The following FGGY variants were observed in gnomAD, a reference collection of about 807,000 sequenced individuals.
The protein encoded by FGGY is FGGY carbohydrate kinase domain-containing protein.
A neutral mutation model predicts 71.3 loss-of-function variants in FGGY; 72 were observed. The observed-to-expected ratio is 1.01, with a 90% CI of 0.84 to 1.23. The LOEUF (loss-of-function observed/expected upper bound fraction) is 1.23, where lower values mean the gene tolerates loss of function less well. FGGY is among the 50% of genes most tolerant of loss of function. FGGY has a pLI of 0.00. For missense variants in FGGY, 668 were observed against 682.3 expected (o/e 0.98, Z 0.23); for synonymous variants, 251 against 250.3 (o/e 1.00, Z -0.02).
intron 11 of FGGY, among the ~76,000 whole-genome samples, chr1:59,656,160 A>G (rs1014088696): frequency 4.0e-5 from 6 of 151,822 alleles, no homozygotes; most frequent in Non-Finnish European, 7.4e-5. Flanking sequence ...TACCCTTGCA[A>G]CTCTCACATC....
At chr1:59,582,361 T>C (rs1259459499) in intron 8 of FGGY, among the ~76,000 whole-genome samples, 3 of 150,220 alleles carry the variant, frequency 2.0e-5, no homozygotes, top group Admixed American at 2.0e-4. Flanking sequence ...GGAATCATGT[T>C]ATTCTTCTCC....
chr1:59,744,959 G>A (rs1231204918), intron 14 of FGGY, among the ~76,000 whole-genome samples: 4 of 152,144 alleles, frequency 2.6e-5, no homozygotes, highest in Non-Finnish European at 5.9e-5. Context: ...ACATAATAAA[G>A]AGAGTTTAAA....
At chr1:59,585,295 T>G (rs914525852) in intron 8 of FGGY, among the ~76,000 whole-genome samples, 11 of 152,026 alleles carry the variant, frequency 7.2e-5, no homozygotes, top group Non-Finnish European at 1.0e-4. Context: ...GGAACCAAAA[T>G]AGCATGGTAC....
chr1:59,325,510 G>T (rs2047271143), intron 2 of FGGY, among the ~76,000 whole-genome samples: 2 of 152,148 alleles, frequency 1.3e-5, no homozygotes, highest in Admixed American at 1.3e-4. Context: ...ACTGTCCAGA[G>T]CCCACCATCT....
intron 5 of FGGY, among the ~76,000 whole-genome samples, chr1:59,424,950 G>A (rs1404012296): frequency 6.6e-6 from 1 of 152,148 alleles, no homozygotes; most frequent in Non-Finnish European, 1.5e-5. Context: ...AAAAGCTCTT[G>A]CTCTATTGGA....
At chr1:59,313,691 G>A (rs1031590973) in intron 1 of FGGY, among the ~76,000 whole-genome samples, 7 of 152,170 alleles carry the variant, frequency 4.6e-5, no homozygotes, top group African/African-American at 1.4e-4. Flanking sequence ...TATTCTAAGT[G>A]AAGTAACTCA....
At chr1:59,582,913 T>A (rs1009980846) in intron 8 of FGGY, among the ~76,000 whole-genome samples, 1 of 150,118 alleles carries the variant, frequency 6.7e-6, no homozygotes, top group Non-Finnish European at 1.5e-5. Context: ...TGTTGAATAC[T>A]CATCGTTTTT....
intron 7 of FGGY, among the ~76,000 whole-genome samples, chr1:59,526,070 G>A (rs1249428089): frequency 3.9e-5 from 6 of 152,176 alleles, no homozygotes; most frequent in Admixed American, 2.6e-4. Flanking sequence ...ACATTTATGT[G>A]TGTGTCTGAT....
intron 8 of FGGY, among the ~76,000 whole-genome samples, chr1:59,564,944 G>A (rs1319280436): frequency 2.0e-5 from 3 of 152,172 alleles, no homozygotes; most frequent in African/African-American, 2.4e-5. Flanking sequence ...TTGCCTGGAA[G>A]AATGGTGTAA....
chr1:59,369,781 G>A (rs910153165), intron 4 of FGGY, among the ~76,000 whole-genome samples: 3 of 152,194 alleles, frequency 2.0e-5, no homozygotes, highest in Non-Finnish European at 2.9e-5. Context: ...TGCAGACACC[G>A]CTGCTGATAC....
At chr1:59,417,917 A>G (rs2064749265) in intron 5 of FGGY, among the ~76,000 whole-genome samples, 1 of 152,186 alleles carries the variant, frequency 6.6e-6, no homozygotes, top group African/African-American at 2.4e-5. Context: ...CTGTGTGTGG[A>G]TAGTGGCTAT....
chr1:59,346,947 C>CTTTTTTTT (rs71580898), intron 4 of FGGY, among the ~76,000 whole-genome samples: 4 of 112,192 alleles, frequency 3.6e-5, no homozygotes, highest in Non-Finnish European at 3.8e-5. Flanking sequence ...AAAATCAATT[C>CTTTTTTTT]TTTTTTTTTT....
intron 4 of FGGY, among the ~76,000 whole-genome samples, chr1:59,371,976 C>A (rs1449511935): frequency 6.6e-6 from 1 of 152,040 alleles, no homozygotes; most frequent in African/African-American, 2.4e-5. Flanking sequence ...AAAATTGACA[C>A]CCTAACATCA....
In FGGY at chr1:59,683,669, C is replaced by G. The variant is rs116301979; in HGVS notation, c.1512+9536C>G. Among the ~76,000 whole-genome samples, 484 of 152,220 alleles carry G rather than the reference C, an allele frequency of 3.2e-3. 1 individual carries two copies. The highest frequency in any genetic ancestry group is 0.011 in the African/African-American group (450 of 41,524). ...GGAGAAAGAATTCATGAGAGGGATG[C>G]ATTTCCTTAGAAATGTTATTAATTG... On this transcript the variant is annotated intron_variant, in intron 14 of 15. Transcript: ENST00000303721.
intron 6 of FGGY, among the ~76,000 whole-genome samples, chr1:59,496,569 G>A (rs1378481514): frequency 6.6e-6 from 1 of 152,074 alleles, no homozygotes; most frequent in Non-Finnish European, 1.5e-5. Context: ...AAAACTACCT[G>A]TAGAGTGCTA....
At position 59,607,804 on chromosome 1, in the gene FGGY, TCAGCAAAGAC is replaced by T; in HGVS notation, c.907_916del (p.Ser303ArgfsTer21). The T allele has an allele frequency of 6.2e-7, 1 of 1,613,188 alleles. No individual in the cohort carries two copies. The highest frequency in any genetic ancestry group is 8.5e-7 in the Non-Finnish European group (1 of 1,179,282). On this transcript the variant is annotated frameshift_variant and splice_region_variant, in exon 9 of 16. Transcript: ENST00000303721. LOFTEE classifies it high-confidence loss of function. ...CATATTTTCCATCTTTCTTTCCAGATCAGCAAAGACCCGATTTTTGTACCAGGCGTCTGGG... is the reference window on the plus strand; with the variant it reads ...CATATTTTCCATCTTTCTTTCCAGATCCGATTTTTGTACCAGGCGTCTGGG...
chr1:59,629,128 A>G (rs776203929), intron 10 of FGGY, among the ~76,000 whole-genome samples: 16 of 152,184 alleles, frequency 1.1e-4, no homozygotes, highest in Admixed American at 2.6e-4. Flanking sequence ...TGACGAGTTA[A>G]CGGGTGCAGC....
rs2049178969 is a variant in FGGY at position 59,334,900 on chromosome 1, T to G, written c.202-5058T>G. Among the ~76,000 whole-genome samples, 3 of 152,162 alleles carry G rather than the reference T, an allele frequency of 2.0e-5. No homozygotes were observed. In the South Asian group the frequency reaches 6.2e-4, roughly 32 times the overall value. On this transcript the variant is annotated intron_variant, in intron 2 of 15. Transcript: ENST00000303721. ...TCGATAAATCTATTATTCTACAACT[T>G]TAAAAATTATACAAACAAGTGTAAA...
At chr1:59,670,435 G>T (rs1305651250) in intron 13 of FGGY, among the ~76,000 whole-genome samples, 4 of 152,336 alleles carry the variant, frequency 2.6e-5, no homozygotes, top group African/African-American at 9.6e-5. Flanking sequence ...ATTCGAATTT[G>T]GGAGATTTTT....
Sources: gnomAD v4.1 joint callset for allele counts (sites outside exome capture counted in the v4.1 genomes callset) on GRCh38, gnomAD v4.1.1 for gene constraint, MANE v1.5 for transcripts, NCBI Gene and HGNC (gene_info 2026-07-23, HGNC 2026-07-21) for gene names.